RBMS3: variants seen among roughly 807,000 people sequenced by gnomAD.
RBMS3 encodes the protein RNA-binding motif, single-stranded-interacting protein 3.
Under a neutral mutation model 66.8 loss-of-function variants are expected in RBMS3, and 27 were observed. That is an observed-to-expected ratio of 0.40 (90% CI 0.30 to 0.56). RBMS3 has a LOEUF of 0.56. RBMS3 is among the 20% of genes least tolerant of loss of function. The pLI is 0.40. For missense variants in RBMS3, 513 were observed against 549.5 expected (o/e 0.93, Z 0.66); for synonymous variants, 188 against 183.0 (o/e 1.03, Z -0.22).
chr3:29,943,577 A>G (rs1276657372), intron 11 of RBMS3, among the ~76,000 whole-genome samples: 1 of 151,786 alleles, frequency 6.6e-6, no homozygotes, highest in African/African-American at 2.4e-5. Flanking sequence ...TGGGATAAAG[A>G]TAACCGTCAC....
rs1553600816 is a variant in RBMS3, at chr3:29,420,565, T to TTTTTTG, written c.76-14174_76-14173insTGTTTT. On this transcript the variant is annotated intron_variant, in intron 1 of 14. Transcript: ENST00000383767. ...TCAGTGGTGTACTTAGGTTTGTTTTTTTTTGTTTTGTTTTGTTTTGTTTTT... is the reference window on the plus strand; with the variant it reads ...TCAGTGGTGTACTTAGGTTTGTTTTTTTTTTGTTTTGTTTTGTTTTGTTTTGTTTTT... Among the ~76,000 whole-genome samples the TTTTTTG allele has an allele frequency of 2.3e-3, 344 of 150,972 alleles. 3 individuals are homozygous for TTTTTTG. Among genetic ancestry groups the TTTTTTG allele is most frequent in the African/African-American group, 7.1e-3 (293 of 41,096 alleles).
chr3:29,553,808 T>A (rs1275088631), intron 3 of RBMS3, among the ~76,000 whole-genome samples: 7 of 142,282 alleles, frequency 4.9e-5, no homozygotes, highest in Non-Finnish European at 3.1e-5. Flanking sequence ...ACTGGCTAAT[T>A]AAAAAAAAAA....
At chr3:29,986,686 T>C (rs1234816737) in intron 12 of RBMS3, among the ~76,000 whole-genome samples, 1 of 152,236 alleles carries the variant, frequency 6.6e-6, no homozygotes, top group African/African-American at 2.4e-5. Flanking sequence ...CTCACACCTG[T>C]AATCCTAGCA....
intron 2 of RBMS3, among the ~76,000 whole-genome samples, chr3:29,454,857 T>A (rs2042128453): frequency 6.6e-6 from 1 of 152,170 alleles, no homozygotes; most frequent in African/African-American, 2.4e-5. Flanking sequence ...ACATACATAG[T>A]TTCAGGAAAA....
At chr3:29,345,702 A>C (rs925719690) in intron 1 of RBMS3, among the ~76,000 whole-genome samples, 15 of 152,214 alleles carry the variant, frequency 9.9e-5, no homozygotes, top group African/African-American at 3.1e-4. Flanking sequence ...AACCAGGTTT[A>C]TGTGTGGGTC....
chr3:29,554,276 C>A (rs1281638131), intron 3 of RBMS3, among the ~76,000 whole-genome samples: 2 of 152,132 alleles, frequency 1.3e-5, no homozygotes. Flanking sequence ...AATTGATGTG[C>A]TATCTATTGC....
chr3:29,436,239 T>G (rs1178133796), intron 2 of RBMS3, among the ~76,000 whole-genome samples: 1 of 152,196 alleles, frequency 6.6e-6, no homozygotes, highest in Non-Finnish European at 1.5e-5. Context: ...GCCTTTGTCC[T>G]AGATTTTAAG....
At chr3:29,602,757 T>C (rs1328915760) in intron 4 of RBMS3, among the ~76,000 whole-genome samples, 3 of 151,992 alleles carry the variant, frequency 2.0e-5, no homozygotes, top group Non-Finnish European at 4.4e-5. Flanking sequence ...AAATACAATG[T>C]CACTTTGCTT....
intron 12 of RBMS3, among the ~76,000 whole-genome samples, chr3:29,970,378 G>C (rs1697146608): frequency 6.6e-6 from 1 of 152,074 alleles, no homozygotes; most frequent in East Asian, 1.9e-4. Flanking sequence ...GATTTTGGCT[G>C]CCTTCTTCTT....
At chr3:29,811,511 CA>C (rs1346949955) in intron 6 of RBMS3, among the ~76,000 whole-genome samples, 4 of 152,102 alleles carry the variant, frequency 2.6e-5, no homozygotes. Flanking sequence ...TGCAAAGCCA[CA>C]AAAAACCCTT....
At chr3:29,451,086 G>A (rs1367070582) in intron 2 of RBMS3, among the ~76,000 whole-genome samples, 1 of 152,178 alleles carries the variant, frequency 6.6e-6, no homozygotes, top group East Asian at 1.9e-4. Context: ...AACACTTTGT[G>A]TCAACAAATG....
intron 2 of RBMS3, among the ~76,000 whole-genome samples, chr3:29,445,960 G>A: frequency 6.6e-6 from 1 of 152,098 alleles, no homozygotes; most frequent in Admixed American, 6.5e-5. Flanking sequence ...CTCATCATAA[G>A]CATAGGATTT....
intron 6 of RBMS3, among the ~76,000 whole-genome samples, chr3:29,831,849 G>A (rs1048395373): frequency 4.7e-5 from 7 of 147,700 alleles, no homozygotes; most frequent in African/African-American, 1.7e-4. Flanking sequence ...CTCAATTTCT[G>A]AGGGTAGACA....
rs2125411597 is a variant in RBMS3, at chr3:30,007,550, T to C, written c.*3688T>C. 1 of 152,170 alleles carries C rather than the reference T, an allele frequency of 6.6e-6. No homozygotes were observed. The highest frequency in any genetic ancestry group is 1.9e-4 in the East Asian group (1 of 5,178). The allele number at this position is 152,170 out of a possible 1,614,324, so 9.4% of individuals were successfully genotyped here. On this transcript the variant is annotated 3_prime_UTR_variant, in exon 15 of 15. Transcript: ENST00000383767. ...GAGTTTTCTTTTAATAATGGTATGG[T>C]ATTGTCAAGGGAGGCAAAGTGTTCA...
intron 4 of RBMS3, among the ~76,000 whole-genome samples, chr3:29,713,614 T>G (rs1320747722): frequency 6.6e-6 from 1 of 152,164 alleles, no homozygotes; most frequent in African/African-American, 2.4e-5. Context: ...CCTCTCCACA[T>G]TCTCTTCAAA....
At chr3:29,619,931 T>C (rs1474325341) in intron 4 of RBMS3, among the ~76,000 whole-genome samples, 2 of 152,236 alleles carry the variant, frequency 1.3e-5, no homozygotes, top group African/African-American at 4.8e-5. Context: ...TCCTGTTGAA[T>C]GTTTTATGCT....
rs2052739314 is a variant in RBMS3, at chr3:29,703,718, C to A, written c.400-36002C>A. Among the ~76,000 whole-genome samples, 3 of 152,246 alleles carry A rather than the reference C, an allele frequency of 2.0e-5. No homozygotes were observed. In the South Asian group the frequency reaches 6.2e-4, roughly 32 times the overall value. On this transcript the variant is annotated intron_variant, in intron 4 of 14. Transcript: ENST00000383767. ...ATTTAGAGCCAAAATTGATGATTCCCATTCTTATTGTGAAAGACCTGTAAA... is the reference window on the plus strand; with the variant it reads ...ATTTAGAGCCAAAATTGATGATTCCAATTCTTATTGTGAAAGACCTGTAAA...
At chr3:29,735,229 A>G (rs924570588) in intron 4 of RBMS3, among the ~76,000 whole-genome samples, 1 of 152,188 alleles carries the variant, frequency 6.6e-6, no homozygotes, top group Non-Finnish European at 1.5e-5. Flanking sequence ...TAAACTGCTC[A>G]AAAGCAAATG....
intron 6 of RBMS3, among the ~76,000 whole-genome samples, chr3:29,814,687 A>G (rs924512160): frequency 6.6e-6 from 1 of 152,132 alleles, no homozygotes; most frequent in Non-Finnish European, 1.5e-5. Flanking sequence ...CAGAGATTCA[A>G]CTTCTTCCTG....
Sources: allele counts gnomAD v4.1 joint callset (sites outside exome capture counted in the v4.1 genomes callset), GRCh38; gene constraint gnomAD v4.1.1; transcripts MANE v1.5; gene names NCBI Gene and HGNC (gene_info 2026-07-23, HGNC 2026-07-21).